MARCHF1: variants seen among roughly 807,000 people sequenced by gnomAD.
MARCHF1 encodes the protein membrane associated ring-CH-type finger 1, also known as E3 ubiquitin-protein ligase MARCHF1.
MARCHF1 carries 40 observed loss-of-function variants against 54.2 expected under a neutral mutation model. The observed-to-expected ratio is 0.74, with a 90% CI of 0.57 to 0.96. The LOEUF is 0.96. MARCHF1 is among the 40% of genes least tolerant of loss of function. The pLI, the probability that MARCHF1 is intolerant of heterozygous loss-of-function variation, is 0.00. For synonymous variants in MARCHF1, 236 were observed against 236.3 expected (o/e 1.00, Z 0.01); for missense variants, 586 against 656.5 (o/e 0.89, Z 1.17).
chr4:163,591,076 TTAA>T (rs1740576812), intron 7 of MARCHF1, among the ~76,000 whole-genome samples: 1 of 151,622 alleles, frequency 6.6e-6, no homozygotes, highest in East Asian at 1.9e-4. Context: ...TGATTATTAA[TTAA>T]TTATTGTCAC....
chr4:164,061,178 A>G (rs1440446001), intron 2 of MARCHF1, among the ~76,000 whole-genome samples: 6 of 152,162 alleles, frequency 3.9e-5, no homozygotes, highest in Non-Finnish European at 8.8e-5. Flanking sequence ...ACCACAGATC[A>G]TTCACATTAA....
intron 5 of MARCHF1, among the ~76,000 whole-genome samples, chr4:163,647,930 G>T (rs1456718400): frequency 1.3e-5 from 2 of 150,566 alleles, no homozygotes; most frequent in African/African-American, 4.9e-5. Flanking sequence ...AATAATTGTT[G>T]GAAAAAAATA....
At chr4:163,782,669 C>T (rs1233935753) in intron 4 of MARCHF1, among the ~76,000 whole-genome samples, 65 of 108,414 alleles carry the variant, frequency 6.0e-4, no homozygotes, top group Admixed American at 1.1e-3. Context: ...ACTCCATCTC[C>T]AAAAAAAAAA....
chr4:164,251,275 C>T (rs933691611), intron 1 of MARCHF1, among the ~76,000 whole-genome samples: 3 of 152,106 alleles, frequency 2.0e-5, no homozygotes, highest in Admixed American at 6.6e-5. Context: ...CCATTTTATA[C>T]ACAGAACATA....
chr4:163,571,593 A>G (rs1472095066), intron 8 of MARCHF1, among the ~76,000 whole-genome samples: 3 of 152,162 alleles, frequency 2.0e-5, no homozygotes, highest in Non-Finnish European at 4.4e-5. Context: ...ATCTAGCTCC[A>G]AAATTTGTTA....
intron 2 of MARCHF1, among the ~76,000 whole-genome samples, chr4:164,011,311 A>T (rs530741659): frequency 6.6e-6 from 1 of 152,170 alleles, no homozygotes; most frequent in African/African-American, 2.4e-5. Flanking sequence ...CAAAGGATAC[A>T]ATCAACAAAC....
At chr4:163,545,805 T>C in intron 8 of MARCHF1, 62 bp from the exon 9 acceptor site, 1 of 1,488,670 alleles carries the variant, frequency 6.7e-7, no homozygotes, top group Non-Finnish European at 9.3e-7. Context: ...GCTCCTCTTT[T>C]ATTTCCCAGA....
intron 4 of MARCHF1, among the ~76,000 whole-genome samples, chr4:163,723,336 A>T (rs1319484858): frequency 6.6e-6 from 1 of 152,296 alleles, no homozygotes; most frequent in African/African-American, 2.4e-5. Flanking sequence ...TTCTTTAAAA[A>T]TGTTGAATAT....
chr4:163,603,583 A>G (rs1430262297), intron 7 of MARCHF1, among the ~76,000 whole-genome samples: 1 of 152,106 alleles, frequency 6.6e-6, no homozygotes, highest in Non-Finnish European at 1.5e-5. Context: ...ATTCTTTAGC[A>G]TGAGGACATC....
At chr4:164,032,336 G>A (rs77968290) in intron 2 of MARCHF1, among the ~76,000 whole-genome samples, 4 of 151,732 alleles carry the variant, frequency 2.6e-5, no homozygotes, top group Admixed American at 6.6e-5. Flanking sequence ...TATCTCCTTC[G>A]GTTCCACTCT....
rs147393858 is a variant in MARCHF1, at chr4:163,700,324, G to A, written c.162+489C>T. ...GTTCTAGACTAGCCTGGTCAACATG[G>A]CGAAACCCCATCTCTACTAAAAATA... On this transcript the variant is annotated intron_variant, in intron 5 of 9. Transcript: ENST00000514618. 4.7e-3 allele frequency among the ~76,000 whole-genome samples: 716 copies of A among 152,122 alleles called. 16 individuals carry two copies. Among genetic ancestry groups the A allele is most frequent in the Admixed American group, 0.038 (576 of 15,262 alleles).
At chr4:164,189,529 C>T (rs1731067398) in intron 1 of MARCHF1, 1 of 813,016 alleles carries the variant, frequency 1.2e-6, no homozygotes, top group Non-Finnish European at 2.1e-6. Flanking sequence ...GGAGTCCTCC[C>T]ATGGCATAAA....
At chr4:164,055,100 T>C (rs1231646623) in intron 2 of MARCHF1, 2 of 151,864 alleles carry the variant, frequency 1.3e-5, no homozygotes, top group East Asian at 1.9e-4. Context: ...GTACAGTAAA[T>C]CAGTGAAAAC....
chr4:164,101,169 A>C (rs62350001), intron 2 of MARCHF1, among the ~76,000 whole-genome samples: 63,289 of 152,094 alleles, frequency 0.42, 14,165 homozygotes, highest in Non-Finnish European at 0.49. Flanking sequence ...ACTGCAAGGC[A>C]GCAGCGAGGC....
Position 163,615,357 on chromosome 4 carries a change from A to G in MARCHF1, c.163-1964T>C, listed in dbSNP as rs150000612. On this transcript the variant is annotated intron_variant, in intron 5 of 9. Coordinates refer to ENST00000514618, the MANE Select transcript of MARCHF1 (RefSeq NM_001394959.1). ...AAGACACCACCAAAAAACTCCTGGA[A>G]CTGATAAACAGATGCAGTAAATTTG... 7.2e-3 allele frequency among the ~76,000 whole-genome samples: 1,099 copies of G among 152,258 alleles called. 7 individuals carry two copies. Among genetic ancestry groups the G allele is most frequent in the Non-Finnish European group, 0.012 (840 of 68,004 alleles).
intron 2 of MARCHF1, among the ~76,000 whole-genome samples, chr4:164,096,278 A>C (rs1333762005): frequency 6.6e-6 from 1 of 152,184 alleles, no homozygotes; most frequent in Non-Finnish European, 1.5e-5. Context: ...ATATGGATGC[A>C]GCTGGAGGTC....
At chr4:163,943,911 C>T (rs576416631) in intron 3 of MARCHF1, among the ~76,000 whole-genome samples, 3 of 152,134 alleles carry the variant, frequency 2.0e-5, no homozygotes, top group South Asian at 4.2e-4. Flanking sequence ...TAATACAACC[C>T]TTTACTACAA....
chr4:163,918,481 C>T (rs1751357995), intron 3 of MARCHF1, among the ~76,000 whole-genome samples: 1 of 151,816 alleles, frequency 6.6e-6, no homozygotes, highest in Non-Finnish European at 1.5e-5. Context: ...GGTAAGAGGC[C>T]AAAATCTGAA....
In MARCHF1 at chr4:164,281,015, G is replaced by A. The variant is rs182694609; in HGVS notation, c.-323+102855C>T. ...CTTCTAATTTCCTCCATAAAATATG[G>A]AAAAAATCCCACATTGTTTATAATA... On this transcript the variant is annotated intron_variant, in intron 1 of 9. Coordinates refer to ENST00000514618, the MANE Select transcript of MARCHF1 (RefSeq NM_001394959.1). Among the ~76,000 whole-genome samples the A allele has an allele frequency of 2.7e-3, 414 of 152,130 alleles. 1 individual carries two copies. Among genetic ancestry groups the A allele is most frequent in the Non-Finnish European group, 4.9e-3 (335 of 67,954 alleles).
Sources: allele counts gnomAD v4.1 joint callset (sites outside exome capture counted in the v4.1 genomes callset), GRCh38; gene constraint gnomAD v4.1.1; transcripts MANE v1.5; gene names NCBI Gene and HGNC (gene_info 2026-07-23, HGNC 2026-07-21).